The following CDH12 variants were observed in gnomAD, a reference collection of about 807,000 sequenced individuals.
The protein encoded by CDH12 is cadherin-12.
Under a neutral mutation model 74.1 loss-of-function variants are expected in CDH12, and 41 were observed. The observed-to-expected ratio is 0.55, with a 90% CI of 0.43 to 0.72. CDH12 has a LOEUF of 0.72. Ranked by LOEUF, CDH12 falls within the 30% of genes least tolerant of loss-of-function variation. CDH12 has a pLI of 0.00. For synonymous variants in CDH12, 399 were observed against 355.0 expected, an observed-to-expected ratio of 1.12 and a Z score of -1.39; for missense variants, 945 against 977.2, an observed-to-expected ratio of 0.97 and a Z score of 0.44.
rs540248696 is a variant in CDH12 at position 21,912,085 on chromosome 5, A to G, written c.527-57295T>C. Among the ~76,000 whole-genome samples, 14 of 152,266 alleles carry G rather than the reference A, an allele frequency of 9.2e-5. No homozygotes were observed. In the East Asian group the frequency reaches 2.5e-3, roughly 27 times the overall value. ...ACTGTAAAAATCAGAAGAGAAAAAG[A>G]GAGAAAGACTATTTCTAATAGTTTT... is the stretch of plus-strand genomic sequence containing the variant. On this transcript the variant is annotated intron_variant, in intron 6 of 14. Coordinates refer to ENST00000382254, the MANE Select transcript of CDH12 (RefSeq NM_004061.5).
chr5:22,270,201 A>T (rs187395268), intron 3 of CDH12, among the ~76,000 whole-genome samples: 168 of 152,320 alleles, frequency 1.1e-3, no homozygotes, highest in Middle Eastern at 6.8e-3. Context: ...AAATTATTGC[A>T]TAAGTAAATC....
At chr5:22,137,346 T>C (rs1746522225) in intron 4 of CDH12, among the ~76,000 whole-genome samples, 1 of 152,066 alleles carries the variant, frequency 6.6e-6, no homozygotes, top group Admixed American at 6.6e-5. Flanking sequence ...TGCAAACTAT[T>C]GGCATAATTC....
At chr5:21,864,805 A>G (rs1430341120) in intron 6 of CDH12, among the ~76,000 whole-genome samples, 1 of 152,192 alleles carries the variant, frequency 6.6e-6, no homozygotes, top group Non-Finnish European at 1.5e-5. Context: ...AAGAAAAGAA[A>G]TGTAGGTAGA....
rs192750641 is a variant in CDH12 at position 21,945,403 on chromosome 5, G to A, written c.526+29688C>T. Among the ~76,000 whole-genome samples, 748 of 119,228 alleles carry A rather than the reference G, an allele frequency of 6.3e-3. 7 individuals are homozygous for A. The highest frequency in any genetic ancestry group is 0.02 in the African/African-American group (638 of 31,584). The allele number at this position is 119,228 out of a possible 152,430, so 78.2% of individuals were successfully genotyped here. On this transcript the variant is annotated intron_variant, in intron 6 of 14. Coordinates refer to ENST00000382254, the MANE Select transcript of CDH12 (RefSeq NM_004061.5). ...ATCATACCGCTGCACTCCAGCCTGG[G>A]CAACAGAGTGAGACTGTTTCAGACA... is the stretch of plus-strand genomic sequence containing the variant.
At chr5:22,366,900 T>A (rs1261447124) in intron 3 of CDH12, among the ~76,000 whole-genome samples, 1 of 152,198 alleles carries the variant, frequency 6.6e-6, no homozygotes, top group African/African-American at 2.4e-5. Context: ...ATGTGTCGCT[T>A]TGTGAAAAGT....
chr5:22,178,861 T>C (rs1415056027), intron 4 of CDH12, among the ~76,000 whole-genome samples: 1 of 152,268 alleles, frequency 6.6e-6, no homozygotes, highest in Non-Finnish European at 1.5e-5. Flanking sequence ...AAGGAATATA[T>C]TGCACTTTAA....
chr5:22,354,660 A>G (rs1213760838), intron 3 of CDH12, among the ~76,000 whole-genome samples: 1 of 152,170 alleles, frequency 6.6e-6, no homozygotes, highest in African/African-American at 2.4e-5. Context: ...CATGTTCCAT[A>G]GCTCTAACTA....
At position 21,760,556 on chromosome 5, in the gene CDH12, ACT is replaced by A; in HGVS notation, c.1633_1633+1del. On this transcript the variant is annotated splice_donor_variant and coding_sequence_variant, in exon 13 of 15. Coordinates refer to ENST00000382254, the MANE Select transcript of CDH12 (RefSeq NM_004061.5). LOFTEE classifies it high-confidence loss of function. The stretch of plus-strand genomic sequence containing the variant: ...GGTAAATTTTTCTGTAGTTACACTT[ACT>A]TCTGAAGTCACGAACTGTAAAATTT... 1 of 1,456,776 alleles carries A rather than the reference ACT, an allele frequency of 6.9e-7. No individual in the cohort carries two copies. The highest frequency in any genetic ancestry group is 9.6e-7 in the Non-Finnish European group (1 of 1,038,960). The allele number at this position is 1,456,776 out of a possible 1,614,324, so 90.2% of individuals were successfully genotyped here.
intron 1 of CDH12, among the ~76,000 whole-genome samples, chr5:22,612,091 T>C (rs1383753110): frequency 1.3e-5 from 2 of 152,172 alleles, no homozygotes; most frequent in Non-Finnish European, 2.9e-5. Context: ...TTATTGGTTA[T>C]ATGCCTCACT....
chr5:21,755,467 A>C, intron 14 of CDH12, 124 bp downstream of exon 14: 5 of 727,274 alleles, frequency 6.9e-6, no homozygotes, highest in Non-Finnish European at 1.1e-5. Context: ...CTAGCTAGGT[A>C]TGACATGTCA....
chr5:22,563,951 C>T (rs921274861), intron 1 of CDH12, among the ~76,000 whole-genome samples: 2 of 152,136 alleles, frequency 1.3e-5, no homozygotes, highest in Admixed American at 6.5e-5. Context: ...CCAGGTCCCT[C>T]CCACAACACA....
chr5:22,487,270 G>A (rs1184511802), intron 2 of CDH12, among the ~76,000 whole-genome samples: 1 of 152,154 alleles, frequency 6.6e-6, no homozygotes, highest in African/African-American at 2.4e-5. Context: ...CCAAAGTCCT[G>A]GGATTACAGG....
chr5:22,395,537 C>T (rs1742418186), intron 3 of CDH12, among the ~76,000 whole-genome samples: 2 of 152,070 alleles, frequency 1.3e-5, no homozygotes, highest in Non-Finnish European at 2.9e-5. Flanking sequence ...CTCTGTTTCT[C>T]TAAGTGTCTG....
At chr5:21,774,413 T>G (rs1745479777) in intron 11 of CDH12, 1 of 152,182 alleles carries the variant, frequency 6.6e-6, no homozygotes, top group South Asian at 2.1e-4. Context: ...AAGGTTGCAC[T>G]ATTGGCTTCC....
intron 6 of CDH12, among the ~76,000 whole-genome samples, chr5:21,856,164 C>G (rs1403329602): frequency 6.6e-6 from 1 of 151,578 alleles, no homozygotes; most frequent in East Asian, 1.9e-4. Flanking sequence ...TATCATTAAA[C>G]ACAATTTGAC....
intron 3 of CDH12, among the ~76,000 whole-genome samples, chr5:22,299,245 G>A (rs1384497141): frequency 6.6e-6 from 1 of 152,130 alleles, no homozygotes; most frequent in South Asian, 2.1e-4. Context: ...GTAAGGGAGA[G>A]ATGGGGTGGG....
intron 4 of CDH12, among the ~76,000 whole-genome samples, chr5:22,086,753 TA>T (rs1173088597): frequency 1.3e-4 from 20 of 149,140 alleles, no homozygotes; most frequent in African/African-American, 2.2e-4. Flanking sequence ...AAAAAAATGT[TA>T]AAAAAAAAAG....
At chr5:22,769,955 C>T (rs1746721097) in intron 1 of CDH12, among the ~76,000 whole-genome samples, 1 of 151,854 alleles carries the variant, frequency 6.6e-6, no homozygotes, top group Non-Finnish European at 1.5e-5. Flanking sequence ...AAGATACACG[C>T]ACGGACACAC....
At chr5:22,249,297 C>G (rs1300960517) in intron 3 of CDH12, among the ~76,000 whole-genome samples, 1 of 152,174 alleles carries the variant, frequency 6.6e-6, no homozygotes, top group South Asian at 2.1e-4. Context: ...TACAGGTATA[C>G]CCAGAGGGTA....
Sources: allele counts gnomAD v4.1 joint callset (sites outside exome capture counted in the v4.1 genomes callset), GRCh38; gene constraint gnomAD v4.1.1; transcripts MANE v1.5; gene names NCBI Gene and HGNC (gene_info 2026-07-23, HGNC 2026-07-21).